The following NBEA variants were observed in gnomAD, a reference collection of about 807,000 sequenced individuals.
NBEA encodes lysosomal-trafficking regulator 2.
In NBEA, 44 loss-of-function variants were observed where a neutral mutation model predicts 343.4. The observed-to-expected ratio is 0.13, with a 90% CI of 0.10 to 0.16. NBEA has a LOEUF of 0.16. Among genes scored for constraint, NBEA ranks in the 10% least tolerant of loss-of-function variants. The probability of loss-of-function intolerance (pLI) is 1.00; values close to 1 mark genes in which losing one functional copy is unlikely to be tolerated. For synonymous variants in NBEA, 1,175 were observed against 1,238.7 expected (o/e 0.95, Z 1.08); for missense variants, 2,555 against 3,631.3 (o/e 0.70, Z 7.62).
chr13:35,522,117 C>T (rs2077744750), intron 41 of NBEA, among the ~76,000 whole-genome samples: 1 of 151,886 alleles, frequency 6.6e-6, no homozygotes, highest in Admixed American at 6.6e-5. Context: ...TGAGGGGAAC[C>T]CAGAGATGGA....
At chr13:35,642,782 C>T (rs1157903905) in intron 49 of NBEA, among the ~76,000 whole-genome samples, 1 of 152,038 alleles carries the variant, frequency 6.6e-6, no homozygotes, top group African/African-American at 2.4e-5. Flanking sequence ...AATTTTGGCT[C>T]AAATAGAAAC....
At chr13:35,499,759 C>T (rs1471544687) in intron 41 of NBEA, among the ~76,000 whole-genome samples, 1 of 152,042 alleles carries the variant, frequency 6.6e-6, no homozygotes, top group Non-Finnish European at 1.5e-5. Context: ...TAAGTTTCTC[C>T]CCTCAGACTG....
chr13:35,329,827 A>AAT (rs748201997), intron 36 of NBEA, among the ~76,000 whole-genome samples: 4,357 of 28,426 alleles, frequency 0.15, 84 homozygotes, highest in Non-Finnish European at 0.23. Flanking sequence ...TCTTAAAAAA[A>AAT]CTACAGTAGC....
intron 38 of NBEA, among the ~76,000 whole-genome samples, chr13:35,410,668 T>G (rs539679723): frequency 2.2e-4 from 34 of 152,138 alleles, no homozygotes; most frequent in Non-Finnish European, 4.0e-4. Context: ...CCTAAAGAAC[T>G]GAGGGTCTTG....
At chr13:35,168,923 ATTT>A in intron 24 of NBEA, 61 bp from the exon 25 acceptor site, 1 of 1,137,170 alleles carries the variant, frequency 8.8e-7, no homozygotes, top group South Asian at 2.3e-5. Context: ...TTTTCATTTA[ATTT>A]AATAATTTCC....
intron 2 of NBEA, among the ~76,000 whole-genome samples, chr13:35,043,761 C>T (rs1335232752): frequency 6.6e-6 from 1 of 151,692 alleles, no homozygotes. Flanking sequence ...TTGAAATATA[C>T]AAATGACAAA....
intron 1 of NBEA, among the ~76,000 whole-genome samples, chr13:35,022,865 G>A (rs2152542512): frequency 6.6e-6 from 1 of 152,180 alleles, no homozygotes; most frequent in Non-Finnish European, 1.5e-5. Context: ...TGTGATAAAT[G>A]TTCACAAAAT....
At chr13:35,133,959 C>T (rs1415260165) in intron 17 of NBEA, among the ~76,000 whole-genome samples, 2 of 151,400 alleles carry the variant, frequency 1.3e-5, no homozygotes, top group African/African-American at 4.8e-5. Context: ...AAACGTATAG[C>T]AAACAAAAGT....
chr13:35,491,607 C>G (rs1828069695), intron 41 of NBEA, among the ~76,000 whole-genome samples: 1 of 151,882 alleles, frequency 6.6e-6, no homozygotes, highest in South Asian at 2.1e-4. Flanking sequence ...CTCTGCCCAT[C>G]TCTCACCAAC....
chr13:35,306,499 A>G (rs1340482764), intron 35 of NBEA, among the ~76,000 whole-genome samples: 2 of 151,832 alleles, frequency 1.3e-5, no homozygotes, highest in East Asian at 1.9e-4. Context: ...AATGTATACA[A>G]TATCTTCATA....
intron 41 of NBEA, among the ~76,000 whole-genome samples, chr13:35,481,365 G>T (rs952462063): frequency 4.0e-5 from 6 of 151,732 alleles, no homozygotes; most frequent in African/African-American, 1.4e-4. Context: ...GAAATTTAAA[G>T]CCTGGCTTAT....
chr13:35,574,208 A>G (rs1365227358), intron 45 of NBEA, among the ~76,000 whole-genome samples: 3 of 151,688 alleles, frequency 2.0e-5, no homozygotes, highest in Non-Finnish European at 4.4e-5. Context: ...TCACAACGCT[A>G]TGATGAGTTG....
At chr13:35,353,165 A>G (rs955541542) in intron 38 of NBEA, among the ~76,000 whole-genome samples, 2 of 152,092 alleles carry the variant, frequency 1.3e-5, no homozygotes, top group African/African-American at 2.4e-5. Flanking sequence ...ACCTGGTGCG[A>G]TGGCTCACGC....
At chr13:35,237,874 T>C (rs1484503679) in intron 34 of NBEA, among the ~76,000 whole-genome samples, 1 of 152,204 alleles carries the variant, frequency 6.6e-6, no homozygotes, top group African/African-American at 2.4e-5. Context: ...TTATTGTCGG[T>C]GTCCTTTCAT....
intron 1 of NBEA, among the ~76,000 whole-genome samples, chr13:34,946,141 CAG>C (rs1343460416): frequency 6.6e-6 from 1 of 152,104 alleles, no homozygotes; most frequent in African/African-American, 2.4e-5. Flanking sequence ...AAGTTACAGT[CAG>C]AGTGCATTGT....
intron 39 of NBEA, among the ~76,000 whole-genome samples, chr13:35,448,529 T>C (rs2046153007): frequency 6.6e-6 from 1 of 152,232 alleles, no homozygotes; most frequent in African/African-American, 2.4e-5. Flanking sequence ...TCTGAGTTTA[T>C]ACATTTATTC....
At chr13:35,407,968 A>G (rs1206114873) in intron 38 of NBEA, among the ~76,000 whole-genome samples, 3 of 152,214 alleles carry the variant, frequency 2.0e-5, no homozygotes, top group Non-Finnish European at 4.4e-5. Context: ...TGCTATTCCT[A>G]TTAACCTACC....
intron 1 of NBEA, among the ~76,000 whole-genome samples, chr13:35,017,952 G>T (rs2061710781): frequency 6.6e-6 from 1 of 152,062 alleles, no homozygotes; most frequent in Non-Finnish European, 1.5e-5. Context: ...TGGCTGTGTG[G>T]TTGTTTCTGT....
At chr13:35,580,489 T>G (rs925155903) in intron 45 of NBEA, among the ~76,000 whole-genome samples, 29 of 152,184 alleles carry the variant, frequency 1.9e-4, no homozygotes, top group Non-Finnish European at 2.9e-5. Flanking sequence ...ATTTTTGAAG[T>G]ATAGCAAACT....
Sources: gnomAD v4.1 joint callset for allele counts (sites outside exome capture counted in the v4.1 genomes callset) on GRCh38, gnomAD v4.1.1 for gene constraint, MANE v1.5 for transcripts, NCBI Gene and HGNC (gene_info 2026-07-23, HGNC 2026-07-21) for gene names.